CNTN6: variants seen among roughly 807,000 people sequenced by gnomAD.
CNTN6 encodes the protein contactin-6.
A neutral mutation model predicts 122.8 loss-of-function variants in CNTN6; 137 were observed. That is an observed-to-expected ratio of 1.12 (90% CI 0.97 to 1.29). The LOEUF is 1.29. CNTN6 is among the 50% of genes most tolerant of loss of function. The probability of loss-of-function intolerance (pLI) is 0.00; values close to 1 mark genes in which losing one functional copy is unlikely to be tolerated. For synonymous variants in CNTN6, 570 were observed against 426.0 expected, an observed-to-expected ratio of 1.34 and a Z score of -4.16; for missense variants, 1,634 against 1,223.4, an observed-to-expected ratio of 1.34 and a Z score of -5.01.
rs79515704 is a variant in CNTN6 at position 1,279,286 on chromosome 3, G to A, written c.454+778G>A. The stretch of plus-strand genomic sequence containing the variant: ...TGGATTTTCTCAAATTTCACATGAT[G>A]TGGTAAATTTAGTCGTGATTCTCAA... On this transcript the variant is annotated intron_variant, in intron 5 of 22. Coordinates refer to ENST00000446702, the MANE Select transcript of CNTN6 (RefSeq NM_001289080.2). Among the ~76,000 whole-genome samples, 1,279 of 152,288 alleles carry A rather than the reference G, an allele frequency of 8.4e-3. 22 individuals carry two copies. The highest frequency in any genetic ancestry group is 0.03 in the African/African-American group (1,229 of 41,550).
intron 2 of CNTN6, among the ~76,000 whole-genome samples, chr3:1,212,187 T>G (rs1225721296): frequency 6.6e-6 from 1 of 151,862 alleles, no homozygotes; most frequent in South Asian, 2.1e-4. Flanking sequence ...AATTATTACT[T>G]AGAAACATTT....
intron 1 of CNTN6, among the ~76,000 whole-genome samples, chr3:1,122,309 G>C: frequency 6.8e-6 from 1 of 147,324 alleles, no homozygotes. Context: ...AATAAATAAA[G>C]GAAAAAAAGG....
At chr3:1,326,908 CA>C (rs1701619928) in intron 9 of CNTN6, among the ~76,000 whole-genome samples, 2 of 151,846 alleles carry the variant, frequency 1.3e-5, no homozygotes, top group Non-Finnish European at 2.9e-5. Context: ...TATGTGCACT[CA>C]AAATTGTATT....
At position 1,327,468 on chromosome 3, in the gene CNTN6, A is replaced by G. The variant is rs998852221; in HGVS notation, c.1095A>G (p.Gln365=). The stretch of plus-strand genomic sequence containing the variant: ...TTTTCCTTTATTAGGAGAGAATTCA[A>G]ATAGAAAATGGGACACTCATCATAA... ...GERLNPEERI[Q]IENGTLIITM... The change falls in exon 10 of 23, where the codon CAA becomes CAG. Residue 365 remains glutamine (Q), a synonymous_variant. Coordinates refer to ENST00000446702, the MANE Select transcript of CNTN6 (RefSeq NM_001289080.2). The G allele has an allele frequency of 4.3e-6, 7 of 1,610,192 alleles. No individual in the cohort carries two copies. Among genetic ancestry groups the G allele is most frequent in the African/African-American group, 2.7e-5 (2 of 74,660 alleles).
At chr3:1,319,868 T>TAAAATAAAAG (rs1442800614) in intron 7 of CNTN6, among the ~76,000 whole-genome samples, 4 of 148,494 alleles carry the variant, frequency 2.7e-5, no homozygotes, top group African/African-American at 9.9e-5. Flanking sequence ...TAAAATAAAA[T>TAAAATAAAAG]AAAATAAAAG....
rs79846878 is a variant in CNTN6, at chr3:1,401,609, C to T, written c.2817+64C>T. On this transcript the variant is annotated intron_variant, in intron 21 of 22. Coordinates refer to ENST00000446702, the MANE Select transcript of CNTN6 (RefSeq NM_001289080.2). ...TTACTAAGGAATGAAACATGTGACA[C>T]CCAAATGGAAAACAAATTGGATGCA... 3.2e-5 allele frequency: 36 copies of T among 1,124,528 alleles called. No homozygotes were observed. The East Asian group carries it at 9.3e-4, about 29-fold the overall frequency. 69.7% of individuals were successfully genotyped at this position (1,124,528 alleles called of 1,614,324 possible).
intron 8 of CNTN6, among the ~76,000 whole-genome samples, chr3:1,324,985 T>TC: frequency 7.2e-6 from 1 of 139,670 alleles, no homozygotes; most frequent in African/African-American, 3.3e-5. Context: ...TACTTCTGTA[T>TC]ATCCAAGGAC....
intron 17 of CNTN6, among the ~76,000 whole-genome samples, chr3:1,379,136 G>T (rs1284349308): frequency 2.0e-5 from 3 of 151,992 alleles, no homozygotes; most frequent in African/African-American, 7.2e-5. Context: ...CTATAATGAG[G>T]GCCCAAATGC....
At chr3:1,381,289 A>G (rs1240811308) in intron 17 of CNTN6, among the ~76,000 whole-genome samples, 1 of 152,074 alleles carries the variant, frequency 6.6e-6, no homozygotes, top group African/African-American at 2.4e-5. Context: ...TAGTCTCCCT[A>G]TGAAAAAGAA....
At position 1,388,296 on chromosome 3, in the gene CNTN6, G is replaced by A. The variant is rs1432592737; in HGVS notation, c.2704+2499G>A. ...CTAACTGGGAGGCACCCCCCAGCAGGGGCACACTGACACCTCACACGGCAG... is the reference window on the plus strand; with the variant it reads ...CTAACTGGGAGGCACCCCCCAGCAGAGGCACACTGACACCTCACACGGCAG... On this transcript the variant is annotated intron_variant, in intron 20 of 22. Transcript: ENST00000446702. Among the ~76,000 whole-genome samples, 20 of 147,746 alleles carry A rather than the reference G, an allele frequency of 1.4e-4. 1 individual carries two copies. The highest frequency in any genetic ancestry group is 6.0e-4 in the East Asian group (3 of 5,038).
At chr3:1,316,521 C>T (rs1041253740) in intron 7 of CNTN6, among the ~76,000 whole-genome samples, 6 of 151,748 alleles carry the variant, frequency 4.0e-5, no homozygotes, top group Non-Finnish European at 7.4e-5. Context: ...ATGATCCACC[C>T]CCATAATCCA....
At chr3:1,101,650 G>T (rs959841765) in intron 1 of CNTN6, among the ~76,000 whole-genome samples, 1 of 152,134 alleles carries the variant, frequency 6.6e-6, no homozygotes, top group Non-Finnish European at 1.5e-5. Flanking sequence ...CAAGTCTCAG[G>T]TATATAATCT....
intron 5 of CNTN6, among the ~76,000 whole-genome samples, chr3:1,288,141 C>G (rs965917400): frequency 1.2e-4 from 19 of 152,100 alleles, no homozygotes; most frequent in African/African-American, 4.6e-4. Context: ...ACAACCAGTT[C>G]TATAGTTATT....
intron 2 of CNTN6, among the ~76,000 whole-genome samples, chr3:1,194,156 A>G (rs2093742404): frequency 6.6e-6 from 1 of 151,340 alleles, no homozygotes; most frequent in South Asian, 2.1e-4. Flanking sequence ...CAGAAATGCT[A>G]TTTAGTCAAT....
At chr3:1,287,620 C>G (rs1473689051) in intron 5 of CNTN6, among the ~76,000 whole-genome samples, 1 of 152,016 alleles carries the variant, frequency 6.6e-6, no homozygotes, top group African/African-American at 2.4e-5. Context: ...TCAAAAAGAG[C>G]CCACTGACAA....
chr3:1,381,183 A>G (rs1691821859), intron 17 of CNTN6, among the ~76,000 whole-genome samples: 1 of 152,212 alleles, frequency 6.6e-6, no homozygotes, highest in African/African-American at 2.4e-5. Flanking sequence ...TAAATCCGAG[A>G]TGAAAGAAAC....
chr3:1,389,833 A>C (rs1179366136), intron 20 of CNTN6, among the ~76,000 whole-genome samples: 2 of 151,628 alleles, frequency 1.3e-5, no homozygotes, highest in African/African-American at 4.8e-5. Flanking sequence ...ATAATGGTAA[A>C]GGGATCAATT....
chr3:1,320,343 TAGG>T (rs1295832217), intron 7 of CNTN6, among the ~76,000 whole-genome samples: 2 of 151,788 alleles, frequency 1.3e-5, no homozygotes, highest in East Asian at 1.9e-4. Flanking sequence ...TTGATGTACA[TAGG>T]AGGATAATAA....
At chr3:1,311,200 G>A (rs933866443) in intron 7 of CNTN6, among the ~76,000 whole-genome samples, 4 of 145,550 alleles carry the variant, frequency 2.7e-5, no homozygotes, top group African/African-American at 1.0e-4. Context: ...TATAGGTGTT[G>A]TATATATAAA....
Sources: gnomAD v4.1 joint callset for allele counts (sites outside exome capture counted in the v4.1 genomes callset) on GRCh38, gnomAD v4.1.1 for gene constraint, MANE v1.5 for transcripts, NCBI Gene and HGNC (gene_info 2026-07-23, HGNC 2026-07-21) for gene names.